HPS1: variants seen among roughly 807,000 people sequenced by gnomAD.
HPS1 encodes the protein HPS1 biogenesis of lysosomal organelles complex 3 subunit 1.
A neutral mutation model predicts 90.6 loss-of-function variants in HPS1; 59 were observed. That is an observed-to-expected ratio of 0.65 (90% confidence interval 0.53 to 0.81). The LOEUF is 0.81. Ranked by LOEUF, HPS1 falls within the 30% of genes least tolerant of loss-of-function variation. The pLI is 0.00. For missense variants in HPS1, 849 were observed against 896.7 expected (o/e 0.95, Z 0.68); for synonymous variants, 388 against 384.4 (o/e 1.01, Z -0.11).
intron 16 of HPS1, among the ~76,000 whole-genome samples, chr10:98,423,402 A>G (rs1407883919): frequency 2.0e-5 from 3 of 151,902 alleles, no homozygotes; most frequent in African/African-American, 7.3e-5. Context: ...AATTCCTGAA[A>G]TTTCAGCTTG....
In HPS1 at chr10:98,422,472, A is replaced by G. The variant is rs754849999; in HGVS notation, c.1640T>C (p.Val547Ala). 1 of 1,614,080 alleles carries G rather than the reference A, an allele frequency of 6.2e-7. No homozygotes were observed. The highest frequency in any genetic ancestry group is 2.2e-5 in the East Asian group (1 of 44,892). Reference protein sequence around the residue: ...DFPGLVHFIYVDRTTGQMVAP... With the variant: ...DFPGLVHFIYADRTTGQMVAP... ...CACCATCTGCCCAGTGGTGCGGTCC[A>G]CATAGATGAAGTGCACCAAGCCTGG... Residue 547 changes from valine (V) to alanine (A), a missense_variant, in exon 17 of 20, where the codon GTG (valine) becomes GCG (alanine). By Grantham distance (64) the Val-to-Ala change is moderately conservative (BLOSUM62 0). Transcript: ENST00000361490.
At chr10:98,418,356 G>T in intron 18 of HPS1, 99 bp from the exon 19 acceptor site, 3 of 595,824 alleles carry the variant, frequency 5.0e-6, no homozygotes, top group Non-Finnish European at 6.0e-6. Context: ...TGTCATGTGC[G>T]CTGGGTGCTT....
At chr10:98,421,537 A>G (rs1289492051) in intron 17 of HPS1, among the ~76,000 whole-genome samples, 2 of 152,232 alleles carry the variant, frequency 1.3e-5, no homozygotes, top group Non-Finnish European at 2.9e-5. Context: ...AAATGAAAAC[A>G]TGGTAGCAAA....
At chr10:98,421,973 C>CACACAG (rs1191500127) in intron 17 of HPS1, among the ~76,000 whole-genome samples, 1 of 129,670 alleles carries the variant, frequency 7.7e-6, no homozygotes, top group Admixed American at 7.9e-5. Context: ...AGAACACACA[C>CACACAG]ACACAGACAC....
intron 5 of HPS1, among the ~76,000 whole-genome samples, chr10:98,434,308 C>A (rs1238159699): frequency 6.6e-6 from 1 of 152,022 alleles, no homozygotes; most frequent in Non-Finnish European, 1.5e-5. Context: ...CTGAGCAAAT[C>A]ACCTCACTCC....
chr10:98,419,544 T>C (rs988845732), intron 18 of HPS1, among the ~76,000 whole-genome samples: 12 of 152,016 alleles, frequency 7.9e-5, no homozygotes, highest in African/African-American at 2.7e-4. Flanking sequence ...TACTCTGCAG[T>C]AACAGTGAGG....
At chr10:98,430,379 C>T (rs1432725098) in intron 8 of HPS1, among the ~76,000 whole-genome samples, 192 bp downstream of exon 8, 1 of 152,182 alleles carries the variant, frequency 6.6e-6, no homozygotes, top group Non-Finnish European at 1.5e-5. Context: ...TTTTAACCCA[C>T]TGGACCATGT....
chr10:98,417,344 G>C lies in HPS1; in HGVS notation c.*220C>G, dbSNP rs2136076442. ...CCGTTGTTTTACAAACAGGACCCCT[G>C]GGCTTCCCTCTTCCTCCAGAGAGAA... On this transcript the variant is annotated 3_prime_UTR_variant, in exon 20 of 20. Coordinates refer to ENST00000361490, the MANE Select transcript of HPS1 (RefSeq NM_000195.5). The surrounding 1 kb of genome is among the most constrained non-coding windows in gnomAD (Gnocchi z 4.2). 1.9e-6 allele frequency: 1 copy of C among 516,102 alleles called. No individual in the cohort carries two copies. Among genetic ancestry groups the C allele is most frequent in the East Asian group, 3.2e-5 (1 of 31,636 alleles). The allele number at this position is 516,102 out of a possible 1,614,324, so 32.0% of individuals were successfully genotyped here.
chr10:98,414,886 T>C, downstream of HPS1: 1 of 1,409,694 alleles, frequency 7.1e-7, no homozygotes. Context: ...TATAAACTTC[T>C]GGCTGGGTTA....
chr10:98,429,392 C>T, intron 10 of HPS1, 181 bp downstream of exon 10: 1 of 1,531,668 alleles, frequency 6.5e-7, no homozygotes, highest in Non-Finnish European at 8.8e-7. Context: ...TCCTTGAGTT[C>T]AGGCTGGAGC....
intron 18 of HPS1, among the ~76,000 whole-genome samples, chr10:98,419,180 A>G (rs1394109502): frequency 6.6e-6 from 1 of 151,888 alleles, no homozygotes; most frequent in African/African-American, 2.4e-5. Flanking sequence ...TGCCCTATGG[A>G]AAGGGATGGC....
chr10:98,445,590 C>T lies in HPS1; in HGVS notation c.-105-186G>A, dbSNP rs1391209538. 6.6e-6 allele frequency among the ~76,000 whole-genome samples: 1 copy of T among 152,206 alleles called. No individual in the cohort carries two copies. Among genetic ancestry groups the T allele is most frequent in the African/African-American group, 2.4e-5 (1 of 41,436 alleles). On this transcript the variant is annotated intron_variant, in intron 1 of 19. Coordinates refer to ENST00000361490, the MANE Select transcript of HPS1 (RefSeq NM_000195.5). The surrounding 1 kb of genome is among the most constrained non-coding windows in gnomAD (Gnocchi z 4.5). ...ACCTCCCATAATGGAGAATAGGAACCCGGCCAGCACAGCCCTTTGCACAGA... is the reference window on the plus strand; with the variant it reads ...ACCTCCCATAATGGAGAATAGGAACTCGGCCAGCACAGCCCTTTGCACAGA...
chr10:98,434,015 G>T lies in HPS1; in HGVS notation c.475C>A (p.Leu159Met). Reference sequence around the variant, plus strand: ...GCGAAGCACTGCTCCTGCTCCCGCAGGCGGCTGTAGGTCCACAGCAGGCTC... The same window carrying T: ...GCGAAGCACTGCTCCTGCTCCCGCATGCGGCTGTAGGTCCACAGCAGGCTC... Reference protein sequence around the residue: ...FQSLLWTYSRLREQEQCFAVE... With the variant: ...FQSLLWTYSRMREQEQCFAVE... The change falls in exon 6 of 20, where the codon CTG (leucine) becomes ATG (methionine). Residue 159 changes from leucine (L) to methionine (M), a missense_variant. Physicochemically the swap from Leu to Met is conservative, Grantham distance 15 (BLOSUM62 2). Transcript: ENST00000361490. The T allele has an allele frequency of 6.4e-7, 1 of 1,558,630 alleles. No individual in the cohort carries two copies. Among genetic ancestry groups the T allele is most frequent in the Non-Finnish European group, 8.7e-7 (1 of 1,151,048 alleles).
intron 3 of HPS1, among the ~76,000 whole-genome samples, chr10:98,441,181 C>T (rs1938353116): frequency 6.6e-6 from 1 of 152,074 alleles, no homozygotes; most frequent in Non-Finnish European, 1.5e-5. Flanking sequence ...CACTGCATCC[C>T]CAGTAAAAAT....
In HPS1 at chr10:98,422,514, G is replaced by C; in HGVS notation, c.1599-1C>G. On this transcript the variant is annotated splice_acceptor_variant, in intron 16 of 19. Coordinates refer to ENST00000361490, the MANE Select transcript of HPS1 (RefSeq NM_000195.5). LOFTEE classifies it high-confidence loss of function. Reference sequence around the variant, plus strand: ...CAAGCCTGGGAAGTCTTCTAGGTAGGTGAAGGTCTGAGTTAAGGTGCTTAC... The same window carrying C: ...CAAGCCTGGGAAGTCTTCTAGGTAGCTGAAGGTCTGAGTTAAGGTGCTTAC... 6.2e-7 allele frequency: 1 copy of C among 1,613,978 alleles called. No individual in the cohort carries two copies. The highest frequency in any genetic ancestry group is 1.3e-5 in the African/African-American group (1 of 75,066).
chr10:98,434,071 G>A lies in HPS1; in HGVS notation c.419C>T (p.Ala140Val), dbSNP rs1243685743. The change falls in exon 6 of 20, where the codon GCG becomes GTG. Residue 140 changes from alanine to valine, a missense_variant. Physicochemically the swap from Ala to Val is moderately conservative, Grantham distance 64. Transcript: ENST00000361490. ...GTGCTCCCACAGCTGGACACGCTGC[G>A]CCAGGTCTGGGGGCCGCAGCCTGGG... Reference protein sequence around the residue: ...IRKELRPPDLAQRVQLWEHFQ... With the variant: ...IRKELRPPDLVQRVQLWEHFQ... The A allele has an allele frequency of 1.4e-5, 22 of 1,550,490 alleles. No individual in the cohort carries two copies. The highest frequency in any genetic ancestry group is 4.8e-5 in the South Asian group (4 of 84,070).
intron 7 of HPS1, 100 bp from the exon 8 acceptor site, chr10:98,430,770 G>T: frequency 1.1e-6 from 1 of 925,854 alleles, no homozygotes; most frequent in Non-Finnish European, 1.7e-6. Context: ...CCCTCAAGGA[G>T]CAATGTACTT....
intron 10 of HPS1, among the ~76,000 whole-genome samples, chr10:98,428,904 T>C (rs989704523): frequency 7.9e-5 from 12 of 151,768 alleles, no homozygotes; most frequent in African/African-American, 2.7e-4. Flanking sequence ...TGCAGTGGCA[T>C]GATCTTGGCT....
intron 14 of HPS1, 84 bp downstream of exon 14, chr10:98,424,229 G>T (rs1845289080): frequency 2.1e-6 from 2 of 955,406 alleles, no homozygotes; most frequent in Non-Finnish European, 3.4e-6. Flanking sequence ...ATAAATGAAG[G>T]GCAGTGGTGG....
Sources: allele counts gnomAD v4.1 joint callset (sites outside exome capture counted in the v4.1 genomes callset), GRCh38; gene constraint gnomAD v4.1.1; non-coding constraint Gnocchi (gnomAD v3.1); transcripts MANE v1.5; gene names NCBI Gene and HGNC (gene_info 2026-07-23, HGNC 2026-07-21).